The following PHLPP1 variants were observed in gnomAD, a reference collection of about 807,000 sequenced individuals.
PHLPP1 encodes the protein PH domain leucine-rich repeat-containing protein phosphatase 1.
PHLPP1 carries 42 observed loss-of-function variants against 117.2 expected under a neutral mutation model. The observed-to-expected ratio is 0.36, with a 90% CI of 0.28 to 0.46. The LOEUF (loss-of-function observed/expected upper bound fraction) is 0.46, where lower values mean the gene tolerates loss of function less well. Ranked by LOEUF, PHLPP1 falls within the 20% of genes least tolerant of loss-of-function variation. The probability of loss-of-function intolerance (pLI) is 1.00; values close to 1 mark genes in which losing one functional copy is unlikely to be tolerated. For synonymous variants in PHLPP1, 1,042 were observed against 970.7 expected (o/e 1.07, Z -1.37); for missense variants, 2,084 against 2,241.9 (o/e 0.93, Z 1.42).
rs549033342 is a variant in PHLPP1, at chr18:62,831,063, G to T, written c.1773+832G>T. ...ATTTCGGAGAAAATGTGATGCAACG[G>T]ATATATTTTTGACATTACTGATTTC... is the stretch of plus-strand genomic sequence containing the variant. On this transcript the variant is annotated intron_variant, in intron 2 of 16. Transcript: ENST00000262719. Among the ~76,000 whole-genome samples, 11 of 152,190 alleles carry T rather than the reference G, an allele frequency of 7.2e-5. No homozygotes were observed. In the South Asian group the frequency reaches 2.3e-3, roughly 32 times the overall value.
In PHLPP1 at chr18:62,979,036, C is replaced by T; in HGVS notation, c.4759C>T (p.Pro1587Ser). The change falls in exon 17 of 17, where the codon CCA becomes TCA. Residue 1587 changes from proline (P) to serine (S), a missense_variant. Coordinates refer to ENST00000262719, the MANE Select transcript of PHLPP1 (RefSeq NM_194449.4). ...KEKQQHLLQV[P>S]AEASDEGIVI... Reference sequence around the variant, plus strand: ...GAAACAGCAGCACCTGCTTCAGGTGCCAGCAGAGGCCAGTGATGAGGGCAT... The same window carrying T: ...GAAACAGCAGCACCTGCTTCAGGTGTCAGCAGAGGCCAGTGATGAGGGCAT... The T allele has an allele frequency of 6.2e-7, 1 of 1,613,724 alleles. No homozygotes were observed. Among genetic ancestry groups the T allele is most frequent in the Non-Finnish European group, 8.5e-7 (1 of 1,179,770 alleles).
At chr18:62,889,635 G>C (rs2144392795) in intron 4 of PHLPP1, 1 of 152,352 alleles carries the variant, frequency 6.6e-6, no homozygotes, top group Non-Finnish European at 1.5e-5. Flanking sequence ...CCCATGCTAG[G>C]GCACATGGGT....
intron 8 of PHLPP1, chr18:62,906,364 C>G (rs571080711): frequency 1.3e-5 from 2 of 151,778 alleles, no homozygotes; most frequent in Admixed American, 1.3e-4. Context: ...ACGCAGAAGA[C>G]GGGTGATTTC....
rs375312720 is a variant in PHLPP1, at chr18:62,822,268, T to G, written c.1577-7767T>G. 2.9e-4 allele frequency among the ~76,000 whole-genome samples: 43 copies of G among 146,592 alleles called. 1 individual carries two copies. The East Asian group carries it at 5.9e-3, about 20-fold the overall frequency. On this transcript the variant is annotated intron_variant, in intron 1 of 16. Coordinates refer to ENST00000262719, the MANE Select transcript of PHLPP1 (RefSeq NM_194449.4). ...TAGAGGATCTGTAGAAAATAGTGTT[T>G]TTTTTTTTTTTGTTTTTGTTTTTTT...
Position 62,838,781 on chromosome 18 carries a change from T to C in PHLPP1, c.1774-3T>C, listed in dbSNP as rs567111733. ...TTCTGCTTCTCTCTGTTTGCTTTTATAGGTAGAAGAAGTGAAAAAGCACCA... is the reference window on the plus strand; with the variant it reads ...TTCTGCTTCTCTCTGTTTGCTTTTACAGGTAGAAGAAGTGAAAAAGCACCA... On this transcript the variant is annotated splice_region_variant and splice_polypyrimidine_tract_variant and intron_variant, in intron 2 of 16. Coordinates refer to ENST00000262719, the MANE Select transcript of PHLPP1 (RefSeq NM_194449.4). 4 of 1,613,574 alleles carry C rather than the reference T, an allele frequency of 2.5e-6. No individual in the cohort carries two copies. The highest frequency in any genetic ancestry group is 3.4e-6 in the Non-Finnish European group (4 of 1,179,710).
At chr18:62,882,038 GAC>G (rs1916185458) in intron 4 of PHLPP1, among the ~76,000 whole-genome samples, 1 of 152,174 alleles carries the variant, frequency 6.6e-6, no homozygotes, top group African/African-American at 2.4e-5. Context: ...ATCCAGGAAA[GAC>G]AGCCTCTCTC....
Position 62,724,877 on chromosome 18 carries a change from C to A in PHLPP1, c.1576+7618C>A, listed in dbSNP as rs1002618601. 9.2e-5 allele frequency among the ~76,000 whole-genome samples: 14 copies of A among 151,988 alleles called. 1 individual carries two copies. The highest frequency in any genetic ancestry group is 9.2e-4 in the Admixed American group (14 of 15,264). On this transcript the variant is annotated intron_variant, in intron 1 of 16. Coordinates refer to ENST00000262719, the MANE Select transcript of PHLPP1 (RefSeq NM_194449.4). ...TCAGTGATGTTACCTTTGTGGGATG[C>A]ATGATAGAACTATTGACAGTTGGCA...
intron 3 of PHLPP1, among the ~76,000 whole-genome samples, chr18:62,850,810 A>G (rs1460002296): frequency 2.6e-5 from 4 of 152,164 alleles, no homozygotes; most frequent in African/African-American, 4.8e-5. Context: ...TGACTCCTAA[A>G]GAGTCCACAT....
chr18:62,798,716 C>T (rs1379302580), intron 1 of PHLPP1, among the ~76,000 whole-genome samples: 1 of 151,844 alleles, frequency 6.6e-6, no homozygotes, highest in African/African-American at 2.4e-5. Flanking sequence ...TTTGCCTCAC[C>T]TTCTCTTCTT....
intron 1 of PHLPP1, among the ~76,000 whole-genome samples, chr18:62,774,283 G>C (rs1022599074): frequency 3.9e-5 from 6 of 152,060 alleles, no homozygotes; most frequent in Non-Finnish European, 7.4e-5. Context: ...TTGCTCCTCT[G>C]TGATACTTCC....
chr18:62,953,258 T>C (rs903278954), intron 12 of PHLPP1, among the ~76,000 whole-genome samples: 2 of 152,220 alleles, frequency 1.3e-5, no homozygotes, highest in African/African-American at 4.8e-5. Context: ...CACAGTTCAT[T>C]ATCTGATCCC....
chr18:62,941,340 T>C (rs1190123590), intron 10 of PHLPP1, among the ~76,000 whole-genome samples: 1 of 152,218 alleles, frequency 6.6e-6, no homozygotes, highest in Non-Finnish European at 1.5e-5. Flanking sequence ...CCTGGCATCC[T>C]CCTGCTTTAG....
At chr18:62,809,485 G>A (rs1335284114) in intron 1 of PHLPP1, among the ~76,000 whole-genome samples, 2 of 152,156 alleles carry the variant, frequency 1.3e-5, no homozygotes, top group Non-Finnish European at 2.9e-5. Flanking sequence ...TGGATCACAA[G>A]GTCAAGAGAT....
In PHLPP1 at chr18:62,717,011, T is replaced by A; in HGVS notation, c.1328T>A (p.Val443Glu). 1.3e-6 allele frequency: 2 copies of A among 1,544,262 alleles called. No homozygotes were observed. Among genetic ancestry groups the A allele is most frequent in the Non-Finnish European group, 1.7e-6 (2 of 1,145,936 alleles). The part of the protein sequence containing the change: ...GSCEEKAAAA[V>E]APGGLQSTPG... ...TGCGAGGAGAAGGCAGCGGCAGCCG[T>A]GGCCCCGGGAGGCCTCCAGTCTACC... Residue 443 changes from valine (V) to glutamate (E), a missense_variant, in exon 1 of 17, where the codon GTG becomes GAG. Physicochemically the swap from Val to Glu is moderately radical, Grantham distance 121. This residue lies in a region of PHLPP1 where 719 missense variants were observed against 636.0 expected (regional missense o/e 1.13). Coordinates refer to ENST00000262719, the MANE Select transcript of PHLPP1 (RefSeq NM_194449.4).
chr18:62,771,385 C>A (rs1776400681), intron 1 of PHLPP1, among the ~76,000 whole-genome samples: 1 of 152,142 alleles, frequency 6.6e-6, no homozygotes, highest in Non-Finnish European at 1.5e-5. Context: ...AGAAATATGA[C>A]ATACCATTAA....
intron 4 of PHLPP1, among the ~76,000 whole-genome samples, chr18:62,874,008 C>T (rs938363683): frequency 6.7e-6 from 1 of 149,940 alleles, no homozygotes; most frequent in African/African-American, 2.5e-5. Flanking sequence ...CACAGTGAAA[C>T]CCCGTCTCTA....
intron 10 of PHLPP1, among the ~76,000 whole-genome samples, chr18:62,931,678 A>C (rs628968): frequency 0.46 from 69,817 of 151,116 alleles, 18,895 homozygotes; most frequent in Non-Finnish European, 0.61. Context: ...GTGGATCATA[A>C]GGTCAAGAGT....
intron 1 of PHLPP1, among the ~76,000 whole-genome samples, chr18:62,762,415 C>CTTTTTTTT (rs368710387): frequency 1.6e-5 from 2 of 127,860 alleles, no homozygotes; most frequent in Non-Finnish European, 3.4e-5. Flanking sequence ...ATTTTTTTAT[C>CTTTTTTTT]TTTTTTTTTT....
rs1241814954 is a variant in PHLPP1 at position 62,979,450 on chromosome 18, CAAAT to C, written c.*23_*26del. ...ACTATGACCCAGCCGAGCTGTTTAA[CAAAT>C]AAACTAACCACAAAAGACTGAGTTG... is the stretch of plus-strand genomic sequence containing the variant. On this transcript the variant is annotated 3_prime_UTR_variant, in exon 17 of 17. Transcript: ENST00000262719. 1 of 1,545,972 alleles carries C rather than the reference CAAAT, an allele frequency of 6.5e-7. No individual in the cohort carries two copies. The highest frequency in any genetic ancestry group is 2.0e-5 in the Admixed American group (1 of 50,568).
Sources: gnomAD v4.1 joint callset for allele counts (sites outside exome capture counted in the v4.1 genomes callset) on GRCh38, gnomAD v4.1.1 for gene constraint, gnomAD v4.1.1 regional missense constraint, MANE v1.5 for transcripts, NCBI Gene and HGNC (gene_info 2026-07-23, HGNC 2026-07-21) for gene names.